Variants in CCDC73 observed in about 807,000 individuals in gnomAD.
CCDC73 encodes coiled-coil domain containing 73, also known as coiled-coil domain-containing protein 73.
Under a neutral mutation model 116.5 loss-of-function variants are expected in CCDC73, and 95 were observed. That is an observed-to-expected ratio of 0.82 (90% confidence interval 0.69 to 0.97). The LOEUF is 0.97. Ranked by LOEUF, CCDC73 falls within the 50% of genes least tolerant of loss-of-function variation. The pLI is 0.00. For missense variants in CCDC73, 1,066 were observed against 1,206.8 expected (o/e 0.88, Z 1.73); for synonymous variants, 398 against 401.3 (o/e 0.99, Z 0.10).
chr11:32,663,091 C>G (rs1478645255), intron 9 of CCDC73, among the ~76,000 whole-genome samples: 1 of 152,114 alleles, frequency 6.6e-6, no homozygotes, highest in Admixed American at 6.5e-5. Flanking sequence ...GTTACTGTAG[C>G]CTTGTAGTAT....
At chr11:32,809,869 T>G in the CCDC73 span, among the ~76,000 whole-genome samples, 3 of 152,232 alleles carry the variant, frequency 2.0e-5, no homozygotes, top group African/African-American at 7.2e-5. Flanking sequence ...CTTACCATCC[T>G]GAATAACTTA....
chr11:32,760,132 A>C lies in CCDC73; in HGVS notation c.112T>G (p.Leu38Val). 2 of 1,603,032 alleles carry C rather than the reference A, an allele frequency of 1.2e-6. No homozygotes were observed. The highest frequency in any genetic ancestry group is 2.2e-5 in the East Asian group (1 of 44,704). ...ACCCTTCTCATACGCAATTCTTCTA[A>C]TGCCTCCAGTAAACTTGTTTTGAAA... ...LDFKTSLLEA[L>V]EELRMRREAE... Residue 38 changes from leucine to valine, a missense_variant, in exon 2 of 18, where the codon TTA (leucine) becomes GTA (valine). Coordinates refer to ENST00000335185, the MANE Select transcript of CCDC73 (RefSeq NM_001008391.4).
chr11:32,753,060 C>T (rs1353921859), intron 2 of CCDC73, among the ~76,000 whole-genome samples: 7 of 152,058 alleles, frequency 4.6e-5, no homozygotes, highest in Non-Finnish European at 8.8e-5. Flanking sequence ...GATCCTCCCA[C>T]CTCAGCCTCC....
intron 1 of CCDC73, among the ~76,000 whole-genome samples, chr11:32,770,146 G>C (rs1850479964): frequency 6.6e-6 from 1 of 152,222 alleles, no homozygotes; most frequent in African/African-American, 2.4e-5. Flanking sequence ...TGCTTAGTTA[G>C]GGCTGAACTC....
At chr11:32,687,785 T>C (rs1331913828) in intron 6 of CCDC73, among the ~76,000 whole-genome samples, 2 of 152,146 alleles carry the variant, frequency 1.3e-5, no homozygotes, top group Non-Finnish European at 2.9e-5. Context: ...TATACCTTTT[T>C]CTACTAACAG....
chr11:32,661,522 T>A (rs904212770), intron 9 of CCDC73, among the ~76,000 whole-genome samples: 3 of 145,830 alleles, frequency 2.1e-5, no homozygotes, highest in Admixed American at 6.9e-5. Context: ...CATTGTTCAA[T>A]TCCCACCTGA....
At chr11:32,674,977 C>G (rs1475679221) in intron 9 of CCDC73, among the ~76,000 whole-genome samples, 1 of 152,146 alleles carries the variant, frequency 6.6e-6, no homozygotes, top group African/African-American at 2.4e-5. Context: ...TAAACTCTTT[C>G]CTGTCTCAAA....
Position 32,642,018 on chromosome 11 carries a change from T to C in CCDC73, c.1004A>G (p.Asn335Ser). The C allele has an allele frequency of 1.3e-6, 2 of 1,568,624 alleles. No individual in the cohort carries two copies. Among genetic ancestry groups the C allele is most frequent in the Non-Finnish European group, 1.7e-6 (2 of 1,155,806 alleles). The change falls in exon 13 of 18, where the codon AAT (asparagine) becomes AGT (serine). Residue 335 changes from asparagine to serine, a missense_variant. Physicochemically the swap from Asn to Ser is conservative, Grantham distance 46. Transcript: ENST00000335185. ...TGCTTTTTCATGCTCATTTTGAAGA[T>C]TAAGAAACTTTTCTTCATTTTCTTT... ...KVKENEEKFL[N>S]LQNEHEKALG... is the part of the protein sequence containing the mutation.
chr11:32,685,878 C>T (rs764158502), intron 6 of CCDC73, among the ~76,000 whole-genome samples: 116 of 151,856 alleles, frequency 7.6e-4, no homozygotes, highest in Non-Finnish European at 1.3e-3. Flanking sequence ...TGTGCCACCA[C>T]GCCTGGCTAA....
At chr11:32,603,049 G>C (rs769529601) in intron 17 of CCDC73, 29 bp from the exon 18 acceptor site, 4 of 1,518,304 alleles carry the variant, frequency 2.6e-6, no homozygotes, top group Middle Eastern at 1.7e-4. Context: ...TTTTACCTTC[G>C]AAATTATTAT....
chr11:32,744,467 A>C (rs1024161908), intron 2 of CCDC73, among the ~76,000 whole-genome samples: 1 of 152,194 alleles, frequency 6.6e-6, no homozygotes, highest in Non-Finnish European at 1.5e-5. Flanking sequence ...TGATCGGAAT[A>C]GTTTCAGAAG....
intron 1 of CCDC73, among the ~76,000 whole-genome samples, chr11:32,776,960 T>C (rs112358349): frequency 0.12 from 4,668 of 37,672 alleles, 116 homozygotes; most frequent in East Asian, 0.29. Context: ...TATATATATA[T>C]ACACACACAC....
the CCDC73 span, among the ~76,000 whole-genome samples, chr11:32,803,079 G>A: frequency 6.8e-6 from 1 of 146,900 alleles, no homozygotes; most frequent in African/African-American, 2.5e-5. Flanking sequence ...TTACCATAAG[G>A]TTTGTTTGTT....
chr11:32,638,609 G>A (rs1252705483), intron 13 of CCDC73, among the ~76,000 whole-genome samples: 1 of 151,998 alleles, frequency 6.6e-6, no homozygotes, highest in East Asian at 1.9e-4. Flanking sequence ...CTCCCGAGTA[G>A]CTGGAATTAC....
the CCDC73 span, among the ~76,000 whole-genome samples, chr11:32,824,783 A>G: frequency 2.0e-5 from 3 of 152,236 alleles, no homozygotes; most frequent in African/African-American, 7.2e-5. Flanking sequence ...TCCATATTTT[A>G]TACTTCAAAA....
Position 32,698,024 on chromosome 11 carries a change from T to C in CCDC73, c.390+1227A>G, listed in dbSNP as rs1180596835. ...GTCTAACACTGAATTTTTTTTTTTT[T>C]TTTTTTTTTTTTTTTTTTGAGACGG... On this transcript the variant is annotated intron_variant, in intron 6 of 17. Coordinates refer to ENST00000335185, the MANE Select transcript of CCDC73 (RefSeq NM_001008391.4). 0.013 allele frequency among the ~76,000 whole-genome samples: 362 copies of C among 27,050 alleles called. 14 individuals are homozygous for C. The Admixed American group carries it at 0.15, about 11-fold the overall frequency. 17.7% of individuals were successfully genotyped at this position (27,050 alleles called of 152,430 possible). A position where few individuals can be genotyped will look rare whatever the true frequency, so the allele number is the denominator to read the frequency against.
chr11:32,623,614 A>G (rs1489518041), intron 14 of CCDC73, among the ~76,000 whole-genome samples: 1 of 152,160 alleles, frequency 6.6e-6, no homozygotes, highest in Non-Finnish European at 1.5e-5. Flanking sequence ...TTGGCCCCCA[A>G]AAGTGCTGGA....
chr11:32,719,353 T>C (rs1849971139), intron 2 of CCDC73, among the ~76,000 whole-genome samples: 1 of 152,186 alleles, frequency 6.6e-6, no homozygotes, highest in Non-Finnish European at 1.5e-5. Flanking sequence ...TTTTGTTTCC[T>C]TTGATATTTA....
At chr11:32,733,245 T>A (rs1046186235) in intron 2 of CCDC73, among the ~76,000 whole-genome samples, 5 of 152,094 alleles carry the variant, frequency 3.3e-5, no homozygotes, top group African/African-American at 7.2e-5. Flanking sequence ...TGCACCTAAT[T>A]CAGGAGCACC....
Sources: allele counts gnomAD v4.1 joint callset (sites outside exome capture counted in the v4.1 genomes callset), GRCh38; gene constraint gnomAD v4.1.1; transcripts MANE v1.5; gene names NCBI Gene and HGNC (gene_info 2026-07-23, HGNC 2026-07-21).